Variants in SPAG1 observed in about 807,000 individuals in gnomAD.
The protein encoded by SPAG1 is sperm associated antigen 1.
In SPAG1, 69 loss-of-function variants were observed where a neutral mutation model predicts 100.5. The observed-to-expected ratio is 0.69, with a 90% CI of 0.57 to 0.84. The LOEUF is 0.84. Among genes scored for constraint, SPAG1 ranks in the 40% least tolerant of loss-of-function variants. The pLI is 0.00. For synonymous variants in SPAG1, 336 were observed against 411.6 expected (o/e 0.82, Z 2.22); for missense variants, 955 against 1,133.1 (o/e 0.84, Z 2.26).
chr8:100,194,870 A>G (rs1816964216), intron 10 of SPAG1, among the ~76,000 whole-genome samples: 1 of 152,190 alleles, frequency 6.6e-6, no homozygotes, highest in East Asian at 1.9e-4. Context: ...GGACATAAAA[A>G]CTTTTCCCTC....
chr8:100,163,184 A>G (rs1815394809), intron 2 of SPAG1, among the ~76,000 whole-genome samples: 1 of 152,104 alleles, frequency 6.6e-6, no homozygotes, highest in African/African-American at 2.4e-5. Context: ...TGACTGTCCA[A>G]CTGAATATAC....
At chr8:100,202,347 A>C (rs1586469701) in intron 10 of SPAG1, among the ~76,000 whole-genome samples, 4 of 151,896 alleles carry the variant, frequency 2.6e-5, no homozygotes, top group South Asian at 2.1e-4. Flanking sequence ...TTGTTTAAAA[A>C]AAAAAACAAA....
At chr8:100,182,249 G>C (rs976908775) in intron 4 of SPAG1, among the ~76,000 whole-genome samples, 4 of 152,156 alleles carry the variant, frequency 2.6e-5, no homozygotes, top group African/African-American at 9.7e-5. Context: ...CTCTCATTCT[G>C]TTCTGGTGCA....
chr8:100,182,893 A>G (rs1816424272), intron 4 of SPAG1, among the ~76,000 whole-genome samples: 1 of 152,158 alleles, frequency 6.6e-6, no homozygotes, highest in Non-Finnish European at 1.5e-5. Context: ...GCTGTATATT[A>G]TTATGTTAAT....
At chr8:100,230,147 C>T (rs1031088193) in intron 14 of SPAG1, among the ~76,000 whole-genome samples, 2 of 152,142 alleles carry the variant, frequency 1.3e-5, no homozygotes, top group African/African-American at 4.8e-5. Context: ...AAGGTTAGGG[C>T]TGGAGTGAGG....
chr8:100,207,741 G>T (rs1031970982), intron 10 of SPAG1, among the ~76,000 whole-genome samples: 5 of 152,196 alleles, frequency 3.3e-5, no homozygotes, highest in African/African-American at 1.2e-4. Flanking sequence ...ATTCCACACG[G>T]CATTGCCTTT....
At chr8:100,160,355 G>A (rs1815252095) in intron 1 of SPAG1, among the ~76,000 whole-genome samples, 1 of 152,182 alleles carries the variant, frequency 6.6e-6, no homozygotes, top group African/African-American at 2.4e-5. Context: ...GGCACGGCAC[G>A]GTGGCTCACG....
intron 3 of SPAG1, among the ~76,000 whole-genome samples, chr8:100,175,192 T>G (rs1010520360): frequency 6.6e-6 from 1 of 151,954 alleles, no homozygotes; most frequent in Non-Finnish European, 1.5e-5. Flanking sequence ...TCTTCAATGG[T>G]GTAGTCCTTC....
intron 3 of SPAG1, among the ~76,000 whole-genome samples, chr8:100,170,403 T>G (rs1192127221): frequency 6.6e-6 from 1 of 152,150 alleles, no homozygotes; most frequent in African/African-American, 2.4e-5. Context: ...TACATAAAAT[T>G]TATTATCTTA....
At chr8:100,212,724 C>T in intron 10 of SPAG1, among the ~76,000 whole-genome samples, 1 of 152,216 alleles carries the variant, frequency 6.6e-6, no homozygotes, top group East Asian at 1.9e-4. Context: ...GTTTTTGCAA[C>T]TCCATTCAAA....
In SPAG1 at chr8:100,235,350, G is replaced by C. The variant is rs1818956428; in HGVS notation, c.2115+1813G>C. Among the ~76,000 whole-genome samples the C allele has an allele frequency of 4.6e-5, 7 of 152,296 alleles. No individual in the cohort carries two copies. In the South Asian group the frequency reaches 1.4e-3, roughly 32 times the overall value. On this transcript the variant is annotated intron_variant, in intron 16 of 18. Coordinates refer to ENST00000388798, the MANE Select transcript of SPAG1 (RefSeq NM_003114.5). ...TACTGGAGGTTAGAACTTCAACACA[G>C]GACTTTCTGTGGGGACGTAGTTCAG...
chr8:100,241,172 C>T lies in SPAG1; in HGVS notation c.*150C>T. The T allele has an allele frequency of 1.8e-6, 1 of 561,306 alleles. No homozygotes were observed. The highest frequency in any genetic ancestry group is 2.9e-6 in the Non-Finnish European group (1 of 340,696). The allele number at this position is 561,306 out of a possible 1,614,324, so 34.8% of individuals were successfully genotyped here. A position where few individuals can be genotyped will look rare whatever the true frequency, so the allele number is the denominator to read the frequency against. ...ATTTTACTTATTTTCCTACATAGAA[C>T]ATGTATATTCTACAATCTGCTTTTT... On this transcript the variant is annotated 3_prime_UTR_variant, in exon 19 of 19. Coordinates refer to ENST00000388798, the MANE Select transcript of SPAG1 (RefSeq NM_003114.5). This position sits in a 1 kb window ranked among gnomAD's most constrained non-coding sequence, Gnocchi z 5.1.
chr8:100,158,145 C>A (rs1475931340), upstream of SPAG1: 1 of 152,304 alleles, frequency 6.6e-6, no homozygotes, highest in Non-Finnish European at 1.5e-5. Flanking sequence ...ACCTGCCGGC[C>A]GGGAATATAG....
chr8:100,201,730 G>C (rs1817283595), intron 10 of SPAG1, among the ~76,000 whole-genome samples: 2 of 151,938 alleles, frequency 1.3e-5, no homozygotes, highest in Admixed American at 1.3e-4. Context: ...TCTGATTGTG[G>C]GTCAGAAGAC....
chr8:100,191,673 G>A (rs1279797206), intron 9 of SPAG1, among the ~76,000 whole-genome samples, 177 bp downstream of exon 9: 1 of 152,176 alleles, frequency 6.6e-6, no homozygotes, highest in African/African-American at 2.4e-5. Context: ...GAAGAAAGCA[G>A]AATCTTAAAA....
At chr8:100,213,536 G>A (rs984886487) in intron 11 of SPAG1, 108 bp downstream of exon 11, 2 of 901,720 alleles carry the variant, frequency 2.2e-6, no homozygotes, top group Non-Finnish European at 3.0e-6. Context: ...GACAGGCGCC[G>A]GCATCGCTGC....
At position 100,240,576 on chromosome 8, in the gene SPAG1, C is replaced by T; in HGVS notation, c.2454C>T (p.Thr818=). The T allele has an allele frequency of 1.2e-6, 2 of 1,613,966 alleles. No individual in the cohort carries two copies. Among genetic ancestry groups the T allele is most frequent in the Non-Finnish European group, 1.7e-6 (2 of 1,179,932 alleles). The change falls in exon 18 of 19, where the codon ACC becomes ACT. Residue 818 remains threonine (T), a synonymous_variant. Coordinates refer to ENST00000388798, the MANE Select transcript of SPAG1 (RefSeq NM_003114.5). ...EFGQIINALS[T]RKDKEACAHL... ...GTCAGATTATAAATGCTCTCAGTAC[C>T]AGGAAGGATAAAGAAGCCTGTGCAC... is the stretch of plus-strand genomic sequence containing the variant.
chr8:100,240,687 G>A lies in SPAG1; in HGVS notation c.2565G>A (p.Gln855=). Residue 855 remains glutamine, a synonymous_variant, in exon 18 of 19, where the codon CAG becomes CAA. Coordinates refer to ENST00000388798, the MANE Select transcript of SPAG1 (RefSeq NM_003114.5). ...GGGATACATTCCTTCTCCTCATTCAGTCTCTGAAAAATAATCTTATTGAAA... is the reference window on the plus strand; with the variant it reads ...GGGATACATTCCTTCTCCTCATTCAATCTCTGAAAAATAATCTTATTGAAA... ...LEGDTFLLLI[Q]SLKNNLIEKD... 1 of 1,613,902 alleles carries A rather than the reference G, an allele frequency of 6.2e-7. No individual in the cohort carries two copies. The highest frequency in any genetic ancestry group is 8.5e-7 in the Non-Finnish European group (1 of 1,179,938).
intron 2 of SPAG1, chr8:100,165,339 C>T (rs1208366533): frequency 4.0e-6 from 2 of 502,646 alleles, no homozygotes; most frequent in African/African-American, 2.0e-5. Flanking sequence ...AATAATTGCA[C>T]TTCTTGCAGC....
Sources: gnomAD v4.1 joint callset for allele counts (sites outside exome capture counted in the v4.1 genomes callset) on GRCh38, gnomAD v4.1.1 for gene constraint, Gnocchi (gnomAD v3.1) non-coding constraint, MANE v1.5 for transcripts, NCBI Gene and HGNC (gene_info 2026-07-23, HGNC 2026-07-21) for gene names.